OXR1: variants seen among roughly 807,000 people sequenced by gnomAD.
OXR1 encodes the protein oxidation resistance 1.
Under a neutral mutation model 104.6 loss-of-function variants are expected in OXR1, and 41 were observed. That is an observed-to-expected ratio of 0.39 (90% CI 0.31 to 0.51). The LOEUF is 0.51. Ranked by LOEUF, OXR1 falls within the 20% of genes least tolerant of loss-of-function variation. The pLI, the probability that OXR1 is intolerant of heterozygous loss-of-function variation, is 0.77. For synonymous variants in OXR1, 348 were observed against 348.4 expected (o/e 1.00, Z 0.01); for missense variants, 955 against 1,031.9 (o/e 0.93, Z 1.02).
intron 2 of OXR1, among the ~76,000 whole-genome samples, chr8:106,511,261 A>T (rs1812506538): frequency 6.6e-6 from 1 of 152,152 alleles, no homozygotes; most frequent in Admixed American, 6.5e-5. Flanking sequence ...AAAATTCTTT[A>T]TGCATTTGCT....
chr8:106,554,942 G>A (rs141937782), intron 3 of OXR1, among the ~76,000 whole-genome samples: 101 of 152,130 alleles, frequency 6.6e-4, no homozygotes, highest in African/African-American at 2.2e-3. Context: ...GTATACAACA[G>A]GATATCTATA....
At chr8:106,311,542 A>G (rs1813699498) in intron 1 of OXR1, among the ~76,000 whole-genome samples, 1 of 152,170 alleles carries the variant, frequency 6.6e-6, no homozygotes, top group Non-Finnish European at 1.5e-5. Context: ...GAATATTCTG[A>G]ACTCGTTCCT....
At chr8:106,651,993 A>T (rs1242237615) in intron 3 of OXR1, among the ~76,000 whole-genome samples, 2 of 152,064 alleles carry the variant, frequency 1.3e-5, no homozygotes, top group Non-Finnish European at 2.9e-5. Flanking sequence ...ATTTATTTCT[A>T]AGTATTTTTG....
At chr8:106,341,908 G>C (rs1484853886) in intron 1 of OXR1, among the ~76,000 whole-genome samples, 3 of 148,578 alleles carry the variant, frequency 2.0e-5, no homozygotes, top group African/African-American at 5.0e-5. Context: ...AAAGGGTCTT[G>C]CTCTGTTACC....
chr8:106,696,541 G>A (rs1282554547), intron 7 of OXR1, among the ~76,000 whole-genome samples: 1 of 152,114 alleles, frequency 6.6e-6, no homozygotes, highest in Non-Finnish European at 1.5e-5. Context: ...AGAAACTGAA[G>A]AACTCTCCTC....
At chr8:106,418,840 C>G (rs1315669557) in intron 2 of OXR1, among the ~76,000 whole-genome samples, 1 of 151,902 alleles carries the variant, frequency 6.6e-6, no homozygotes, top group Non-Finnish European at 1.5e-5. Flanking sequence ...GAAAAGTCAC[C>G]AAAATGTTGA....
intron 3 of OXR1, among the ~76,000 whole-genome samples, chr8:106,609,622 T>C (rs1216431804): frequency 6.6e-6 from 1 of 152,142 alleles, no homozygotes; most frequent in African/African-American, 2.4e-5. Context: ...CTGGAGTCAT[T>C]ATTGGGTTAA....
At chr8:106,390,602 G>A in intron 2 of OXR1, among the ~76,000 whole-genome samples, 1 of 152,236 alleles carries the variant, frequency 6.6e-6, no homozygotes, top group East Asian at 1.9e-4. Flanking sequence ...TTAGTTGCAG[G>A]TGTTCATAAG....
At chr8:106,532,184 A>T (rs1265696662) in intron 3 of OXR1, among the ~76,000 whole-genome samples, 1 of 152,250 alleles carries the variant, frequency 6.6e-6, no homozygotes, top group Admixed American at 6.5e-5. Flanking sequence ...GGCTTTGCCT[A>T]AGGCAGTGTC....
At chr8:106,609,753 A>G (rs1431033723) in intron 3 of OXR1, among the ~76,000 whole-genome samples, 3 of 152,194 alleles carry the variant, frequency 2.0e-5, no homozygotes, top group Admixed American at 1.3e-4. Context: ...TAGGAAATAT[A>G]CATTTCCTAT....
chr8:106,406,599 A>T (rs1227574128), intron 2 of OXR1, among the ~76,000 whole-genome samples: 1 of 152,194 alleles, frequency 6.6e-6, no homozygotes, highest in East Asian at 1.9e-4. Flanking sequence ...TAATCCAAAA[A>T]GGCTACATAC....
chr8:106,508,075 G>A (rs181270606), intron 2 of OXR1, among the ~76,000 whole-genome samples: 65 of 152,290 alleles, frequency 4.3e-4, no homozygotes, highest in African/African-American at 1.5e-3. Context: ...CCAAGTGCCA[G>A]CTTGGGGTGG....
chr8:106,270,188 G>A (rs1212573373), upstream of OXR1: 1 of 152,248 alleles, frequency 6.6e-6, no homozygotes, highest in African/African-American at 2.4e-5. Context: ...ATGTCTGCAA[G>A]CGCTCAGCGG....
At chr8:106,339,616 C>T (rs1815157929) in intron 1 of OXR1, among the ~76,000 whole-genome samples, 1 of 139,580 alleles carries the variant, frequency 7.2e-6, no homozygotes, top group African/African-American at 2.6e-5. Context: ...GCATGCACTG[C>T]TATTTAGATA....
chr8:106,542,544 TATCAC>T (rs1815037630), intron 3 of OXR1, among the ~76,000 whole-genome samples: 1 of 152,184 alleles, frequency 6.6e-6, no homozygotes, highest in African/African-American at 2.4e-5. Flanking sequence ...TATATGCATA[TATCAC>T]ATATATGCAA....
Position 106,684,264 on chromosome 8 carries a change from C to T in OXR1, c.430C>T (p.Pro144Ser), listed in dbSNP as rs774113408. The T allele has an allele frequency of 6.3e-7, 1 of 1,591,246 alleles. No homozygotes were observed. Among genetic ancestry groups the T allele is most frequent in the Admixed American group, 1.7e-5 (1 of 59,788 alleles). Residue 144 changes from proline (P) to serine (S), a missense_variant, in exon 6 of 17, where the codon CCT (proline) becomes TCT (serine). Physicochemically the swap from Pro to Ser is moderately conservative, Grantham distance 74. This residue lies in a region of OXR1 where 849 missense variants were observed against 852.9 expected (regional missense o/e 1.00). Transcript: ENST00000517566. ...VTGQVLYVPDPEYVSSVESSP... is the reference protein window; with the variant it reads ...VTGQVLYVPDSEYVSSVESSP... ...CTTACAGGTTCTGTATGTTCCTGAT[C>T]CTGAATATGTCTCCAGTGTTGAGAG...
chr8:106,694,404 T>C lies in OXR1; in HGVS notation c.675+1527T>C, dbSNP rs1219683648. Among the ~76,000 whole-genome samples the C allele has an allele frequency of 1.4e-4, 20 of 140,520 alleles. No individual in the cohort carries two copies. The Admixed American group carries it at 1.5e-3, about 11-fold the overall frequency. The allele number at this position is 140,520 out of a possible 152,430, so 92.2% of individuals were successfully genotyped here. A position where few individuals can be genotyped will look rare whatever the true frequency, so the allele number is the denominator to read the frequency against. On this transcript the variant is annotated intron_variant, in intron 7 of 16. Coordinates refer to ENST00000517566, the MANE Select transcript of OXR1 (RefSeq NM_001198533.2). ...GTTTTTGCCATACATTATATATTTA[T>C]ATATATATTTATATATATATTTAAT...
At chr8:106,482,609 A>C (rs886861655) in intron 2 of OXR1, among the ~76,000 whole-genome samples, 2 of 152,070 alleles carry the variant, frequency 1.3e-5, no homozygotes, top group Admixed American at 1.3e-4. Flanking sequence ...AATATGATGT[A>C]ATTAATAAAT....
chr8:106,280,222 T>A (rs1812220948), intron 1 of OXR1, among the ~76,000 whole-genome samples: 1 of 152,206 alleles, frequency 6.6e-6, no homozygotes, highest in Non-Finnish European at 1.5e-5. Context: ...GTGTATTATC[T>A]CAACAATGTC....
Sources: allele counts gnomAD v4.1 joint callset (sites outside exome capture counted in the v4.1 genomes callset), GRCh38; gene constraint gnomAD v4.1.1; regional missense constraint gnomAD v4.1.1; transcripts MANE v1.5; gene names NCBI Gene and HGNC (gene_info 2026-07-23, HGNC 2026-07-21).